The following APCDD1L variants were observed in gnomAD, a reference collection of about 807,000 sequenced individuals.
APCDD1L encodes APC down-regulated 1 like.
A neutral mutation model predicts 24.2 loss-of-function variants in APCDD1L; 21 were observed. That is an observed-to-expected ratio of 0.87 (90% CI 0.61 to 1.25). The LOEUF is 1.25. Ranked by LOEUF, APCDD1L falls within the 50% of genes most tolerant of loss-of-function variation. APCDD1L has a pLI of 0.00. For synonymous variants in APCDD1L, 321 were observed against 323.6 expected (o/e 0.99, Z 0.09); for missense variants, 704 against 711.7 (o/e 0.99, Z 0.12).
intron 3 of APCDD1L, among the ~76,000 whole-genome samples, chr20:58,463,894 T>TTGGGGG (rs1491147308): frequency 1.9e-5 from 1 of 52,390 alleles, no homozygotes; most frequent in Non-Finnish European, 4.1e-5. Flanking sequence ...AGTTTTTTTT[T>TTGGGGG]GGGGGGGGGG....
chr20:58,509,738 A>C (rs1990592752), intron 1 of APCDD1L, among the ~76,000 whole-genome samples: 1 of 152,194 alleles, frequency 6.6e-6, no homozygotes, highest in African/African-American at 2.4e-5. Flanking sequence ...GCTGGAAGCA[A>C]ATCTGGGCCA....
intron 1 of APCDD1L, among the ~76,000 whole-genome samples, chr20:58,511,341 T>C (rs1600885387): frequency 6.6e-6 from 1 of 152,270 alleles, no homozygotes; most frequent in Non-Finnish European, 1.5e-5. Context: ...CATTGGGCTA[T>C]TGATCTTCAT....
In APCDD1L at chr20:58,508,771, CCTT is replaced by C. The variant is rs1990570244; in HGVS notation, c.49+5885_49+5887del. The stretch of plus-strand genomic sequence containing the variant: ...AGAACTGTCGATAAAACAGGCCAGG[CCTT>C]CTTCTTGTGCAGCCTACTTTGTAGT... On this transcript the variant is annotated intron_variant, in intron 1 of 3. Coordinates refer to ENST00000371149, the MANE Select transcript of APCDD1L (RefSeq NM_153360.3). The surrounding 1 kb of genome is among the most constrained non-coding windows in gnomAD (Gnocchi z 4.0). Among the ~76,000 whole-genome samples the C allele has an allele frequency of 6.6e-6, 1 of 152,196 alleles. No homozygotes were observed. The highest frequency in any genetic ancestry group is 2.4e-5 in the African/African-American group (1 of 41,436).
chr20:58,464,429 C>T lies in APCDD1L; in HGVS notation c.741+2677G>A, dbSNP rs535522190. Among the ~76,000 whole-genome samples the T allele has an allele frequency of 1.1e-4, 16 of 152,236 alleles. No individual in the cohort carries two copies. In the South Asian group the frequency reaches 2.5e-3, roughly 24 times the overall value. On this transcript the variant is annotated intron_variant, in intron 3 of 3. Transcript: ENST00000371149. ...TTTGAAGCTGGTGAAACAAGGTTCC[C>T]GGCTCCATGGGAAATCTTTCGGGCA...
At chr20:58,473,999 A>G (rs903584639) in intron 1 of APCDD1L, among the ~76,000 whole-genome samples, 1 of 152,248 alleles carries the variant, frequency 6.6e-6, no homozygotes, top group Non-Finnish European at 1.5e-5. Context: ...AACAGGCCTC[A>G]TGAACAAATA....
At chr20:58,505,634 C>A (rs1990516808) in intron 1 of APCDD1L, among the ~76,000 whole-genome samples, 1 of 152,140 alleles carries the variant, frequency 6.6e-6, no homozygotes, top group South Asian at 2.1e-4. Context: ...GGTGCCATCC[C>A]ACCCACCAGA....
chr20:58,513,792 T>G (rs1990680252), intron 1 of APCDD1L: 3 of 853,444 alleles, frequency 3.5e-6, no homozygotes, highest in Non-Finnish European at 5.2e-6. Context: ...AAGTCAAGGC[T>G]GAGAGAGCCG....
intron 1 of APCDD1L, among the ~76,000 whole-genome samples, chr20:58,480,701 T>C (rs1305168555): frequency 6.6e-6 from 1 of 152,218 alleles, no homozygotes; most frequent in Non-Finnish European, 1.5e-5. Context: ...AGACGAGTTC[T>C]GGCCCACCAA....
At chr20:58,470,996 C>T (rs1425232799) in intron 1 of APCDD1L, among the ~76,000 whole-genome samples, 1 of 152,214 alleles carries the variant, frequency 6.6e-6, no homozygotes, top group Non-Finnish European at 1.5e-5. Context: ...AGAATCCAAG[C>T]CTCCTAGATG....
intron 3 of APCDD1L, among the ~76,000 whole-genome samples, chr20:58,464,390 C>T (rs1989670778): frequency 6.6e-6 from 1 of 152,216 alleles, no homozygotes; most frequent in African/African-American, 2.4e-5. Flanking sequence ...AAAAGCATTT[C>T]CTTCTGTGGT....
Position 58,494,785 on chromosome 20 carries a change from G to A in APCDD1L, c.49+19874C>T, listed in dbSNP as rs184736532. 3.9e-5 allele frequency among the ~76,000 whole-genome samples: 6 copies of A among 152,252 alleles called. No individual in the cohort carries two copies. In the East Asian group the frequency reaches 1.2e-3, roughly 29 times the overall value. On this transcript the variant is annotated intron_variant, in intron 1 of 3. Transcript: ENST00000371149. This position sits in a 1 kb window ranked among gnomAD's most constrained non-coding sequence, Gnocchi z 4.8. ...ACTTTGCCTGTGATTCCTGTCTCAC[G>A]ATCATCTCCTGGCATTCTGCACCCA... is the stretch of plus-strand genomic sequence containing the variant.
At chr20:58,493,325 G>T (rs1225137840) in intron 1 of APCDD1L, among the ~76,000 whole-genome samples, 1 of 152,208 alleles carries the variant, frequency 6.6e-6, no homozygotes, top group Admixed American at 6.5e-5. Flanking sequence ...CCACTAATGT[G>T]AGTCATGAGC....
chr20:58,509,300 T>C (rs1185732316), intron 1 of APCDD1L, among the ~76,000 whole-genome samples: 1 of 152,168 alleles, frequency 6.6e-6, no homozygotes, highest in Admixed American at 6.5e-5. Flanking sequence ...TCAGGGGTAC[T>C]AAAATCCTTC....
At position 58,494,969 on chromosome 20, in the gene APCDD1L, C is replaced by G. The variant is rs142589541; in HGVS notation, c.49+19690G>C. ...CTCTTCAGTGAGAACACCCCCATGA[C>G]CTTGTCTCAAGGTGGGCCCTCTGGT... On this transcript the variant is annotated intron_variant, in intron 1 of 3. Transcript: ENST00000371149. This position sits in a 1 kb window ranked among gnomAD's most constrained non-coding sequence, Gnocchi z 4.8. Among the ~76,000 whole-genome samples the G allele has an allele frequency of 1.6e-3, 247 of 152,298 alleles. 1 individual carries two copies. The highest frequency in any genetic ancestry group is 0.013 in the South Asian group (65 of 4,826).
chr20:58,498,027 T>C lies in APCDD1L; in HGVS notation c.49+16632A>G, dbSNP rs1990357493. 1.3e-5 allele frequency among the ~76,000 whole-genome samples: 2 copies of C among 152,156 alleles called. 1 individual carries two copies. Among genetic ancestry groups the C allele is most frequent in the South Asian group, 4.1e-4 (2 of 4,826 alleles). On this transcript the variant is annotated intron_variant, in intron 1 of 3. Transcript: ENST00000371149. ...GAGGGGTGCGGTGGTGGGCTGTTTT[T>C]AAAATAAAATTCAAATCCCTGTTAT...
intron 1 of APCDD1L, among the ~76,000 whole-genome samples, chr20:58,471,265 G>A (rs920116791): frequency 4.6e-5 from 7 of 152,184 alleles, no homozygotes; most frequent in African/African-American, 1.2e-4. Flanking sequence ...GGCCTCTCCC[G>A]GCACACAGCA....
At chr20:58,485,872 G>T (rs181738732) in intron 1 of APCDD1L, among the ~76,000 whole-genome samples, 6 of 152,330 alleles carry the variant, frequency 3.9e-5, no homozygotes, top group Admixed American at 2.6e-4. Context: ...TGCCTGTAGA[G>T]CCCCTCCTGA....
chr20:58,509,908 C>A (rs2123197144), intron 1 of APCDD1L, among the ~76,000 whole-genome samples: 1 of 152,274 alleles, frequency 6.6e-6, no homozygotes, highest in South Asian at 2.1e-4. Flanking sequence ...TTTTCTGAGG[C>A]CCCACAACCC....
chr20:58,507,515 G>A (rs73915901), intron 1 of APCDD1L, among the ~76,000 whole-genome samples: 2,556 of 151,550 alleles, frequency 0.017, 67 homozygotes, highest in African/African-American at 0.057. Flanking sequence ...TGCCACATAC[G>A]CACACCCACC....
Sources: allele counts gnomAD v4.1 joint callset (sites outside exome capture counted in the v4.1 genomes callset), GRCh38; gene constraint gnomAD v4.1.1; non-coding constraint Gnocchi (gnomAD v3.1); transcripts MANE v1.5; gene names NCBI Gene and HGNC (gene_info 2026-07-23, HGNC 2026-07-21).